NT5DC3: variants seen among roughly 807,000 people sequenced by gnomAD.
NT5DC3 encodes the protein 5'-nucleotidase domain-containing protein 3.
Under a neutral mutation model 67.8 loss-of-function variants are expected in NT5DC3, and 42 were observed. That is an observed-to-expected ratio of 0.62 (90% CI 0.48 to 0.80). The LOEUF is 0.80. Among genes scored for constraint, NT5DC3 ranks in the 30% least tolerant of loss-of-function variants. The pLI is 0.00. For missense variants in NT5DC3, 570 were observed against 696.4 expected (o/e 0.82, Z 2.04); for synonymous variants, 237 against 255.6 (o/e 0.93, Z 0.69).
chr12:103,805,845 C>CA (rs34163004), intron 4 of NT5DC3, among the ~76,000 whole-genome samples: 589 of 48,616 alleles, frequency 0.012, 7 homozygotes, highest in African/African-American at 0.019. Flanking sequence ...GACTCCACCT[C>CA]AAAAAAAAAA....
intron 1 of NT5DC3, chr12:103,822,136 T>C (rs1232251013): frequency 6.6e-6 from 1 of 151,580 alleles, no homozygotes; most frequent in African/African-American, 2.4e-5. Flanking sequence ...AAAACAAGAA[T>C]ATATACCATT....
chr12:103,763,497 A>G, the NT5DC3 span: 11 of 1,613,918 alleles, frequency 6.8e-6, no homozygotes, highest in Non-Finnish European at 9.3e-6. Flanking sequence ...AACAGTCGGA[A>G]GAGGACATTA....
At chr12:103,818,821 T>C (rs7295408) in intron 1 of NT5DC3, among the ~76,000 whole-genome samples, 23,134 of 152,218 alleles carry the variant, frequency 0.15, 2,117 homozygotes, top group East Asian at 0.47. Flanking sequence ...TATCTAATAC[T>C]GAAGATCCTC....
At chr12:103,814,352 C>A (rs1593422179) in intron 2 of NT5DC3, among the ~76,000 whole-genome samples, 1 of 152,230 alleles carries the variant, frequency 6.6e-6, no homozygotes, top group East Asian at 1.9e-4. Flanking sequence ...CTGAGCTGTA[C>A]TTCCCGGGAG....
the NT5DC3 span, chr12:103,762,406 A>G: frequency 6.2e-7 from 1 of 1,614,072 alleles, no homozygotes; most frequent in Non-Finnish European, 8.5e-7. Flanking sequence ...TTTTGAGGTA[A>G]GAGAGAAAAA....
chr12:103,800,156 T>G (rs1566111245), intron 4 of NT5DC3, among the ~76,000 whole-genome samples: 1 of 152,264 alleles, frequency 6.6e-6, no homozygotes, highest in African/African-American at 2.4e-5. Context: ...TGTTTTGATA[T>G]GTAACGTTAA....
At chr12:103,748,744 G>A in the NT5DC3 span, among the ~76,000 whole-genome samples, 34 of 152,084 alleles carry the variant, frequency 2.2e-4, no homozygotes, top group African/African-American at 5.8e-4. Context: ...GGGCAGAAGC[G>A]GACAGATGTC....
Position 103,827,796 on chromosome 12 carries a change from T to A in NT5DC3, c.209-12675A>T, listed in dbSNP as rs955440242. Among the ~76,000 whole-genome samples the A allele has an allele frequency of 9.2e-5, 14 of 152,348 alleles. 1 individual carries two copies. The highest frequency in any genetic ancestry group is 2.0e-4 in the Admixed American group (3 of 15,302). On this transcript the variant is annotated intron_variant, in intron 1 of 13. Coordinates refer to ENST00000392876, the MANE Select transcript of NT5DC3 (RefSeq NM_001031701.3). Reference sequence around the variant, plus strand: ...CTAGATATAACATGTAGTATTTGACTTTTAAAAAATAATAGAATTCTATCA... The same window carrying A: ...CTAGATATAACATGTAGTATTTGACATTTAAAAAATAATAGAATTCTATCA...
chr12:103,768,536 A>AGG (rs1593370689), downstream of NT5DC3, among the ~76,000 whole-genome samples: 1 of 11,306 alleles, frequency 8.8e-5, no homozygotes, highest in Non-Finnish European at 1.6e-4. Flanking sequence ...AGAGAGAGGG[A>AGG]GAGGGGGAGA....
At chr12:103,811,395 G>A (rs1466498469) in intron 2 of NT5DC3, among the ~76,000 whole-genome samples, 1 of 152,124 alleles carries the variant, frequency 6.6e-6, no homozygotes, top group East Asian at 1.9e-4. Flanking sequence ...GGGAGGAGAG[G>A]AGACGGCTGG....
chr12:103,767,377 T>TAGAG (rs1395404505), downstream of NT5DC3, among the ~76,000 whole-genome samples: 2 of 152,158 alleles, frequency 1.3e-5, no homozygotes, highest in African/African-American at 4.8e-5. Context: ...TGATGATTGA[T>TAGAG]AGAGACAGAA....
chr12:103,808,825 G>A (rs1886910231), intron 2 of NT5DC3, among the ~76,000 whole-genome samples: 1 of 152,242 alleles, frequency 6.6e-6, no homozygotes, highest in African/African-American at 2.4e-5. Flanking sequence ...GATAATAAGA[G>A]GGCAGACAGA....
intron 1 of NT5DC3, among the ~76,000 whole-genome samples, chr12:103,835,989 C>T (rs1480470806): frequency 6.6e-6 from 1 of 152,082 alleles, no homozygotes. Flanking sequence ...GCAGCAAAAG[C>T]GGAAACCCCT....
chr12:103,826,657 A>G (rs1887709016), intron 1 of NT5DC3, among the ~76,000 whole-genome samples: 2 of 152,366 alleles, frequency 1.3e-5, no homozygotes, highest in Middle Eastern at 3.4e-3. Context: ...CTATGAAGAC[A>G]ATATATTGTA....
chr12:103,791,353 C>T (rs561764029), intron 9 of NT5DC3, among the ~76,000 whole-genome samples: 1 of 152,194 alleles, frequency 6.6e-6, no homozygotes, highest in Non-Finnish European at 1.5e-5. Flanking sequence ...GTGAGGGCAT[C>T]ATATCAGCTA....
downstream of NT5DC3, among the ~76,000 whole-genome samples, chr12:103,770,101 A>G (rs993466569): frequency 6.6e-6 from 1 of 152,350 alleles, no homozygotes; most frequent in Middle Eastern, 3.4e-3. Context: ...CATAGAAAAC[A>G]TGGCCTATCC....
chr12:103,832,569 C>A (rs1194334263), intron 1 of NT5DC3, among the ~76,000 whole-genome samples: 1 of 151,920 alleles, frequency 6.6e-6, no homozygotes, highest in Admixed American at 6.6e-5. Flanking sequence ...GAATTTACAC[C>A]CTAATGAAAG....
intron 5 of NT5DC3, 83 bp from the exon 6 acceptor site, chr12:103,797,114 G>C: frequency 6.8e-7 from 1 of 1,465,840 alleles, no homozygotes; most frequent in Non-Finnish European, 9.4e-7. Context: ...ACAGCAGGAA[G>C]CCTTTTCCGT....
Position 103,793,217 on chromosome 12 carries a change from G to C in NT5DC3, c.966C>G (p.Phe322Leu). Residue 322 changes from phenylalanine (F) to leucine (L), a missense_variant, in exon 9 of 14, where the codon TTC becomes TTG. Physicochemically the swap from Phe to Leu is conservative, Grantham distance 22 (BLOSUM62 0). This residue lies in a region of NT5DC3 where 466 missense variants were observed against 608.0 expected (regional missense o/e 0.77). Coordinates refer to ENST00000392876, the MANE Select transcript of NT5DC3 (RefSeq NM_001031701.3). ...TCTCAGCCTGAACAATGACCACATCGAACAGGTCCCTCCAGTCTTTCCCAA... is the reference window on the plus strand; with the variant it reads ...TCTCAGCCTGAACAATGACCACATCCAACAGGTCCCTCCAGTCTTTCCCAA... The part of the protein sequence containing the change: ...YIVGKDWRDL[F>L]DVVIVQAEKP... 3 of 1,608,982 alleles carry C rather than the reference G, an allele frequency of 1.9e-6. No individual in the cohort carries two copies. The highest frequency in any genetic ancestry group is 2.5e-6 in the Non-Finnish European group (3 of 1,178,876).
Sources: gnomAD v4.1 joint callset for allele counts (sites outside exome capture counted in the v4.1 genomes callset) on GRCh38, gnomAD v4.1.1 for gene constraint, gnomAD v4.1.1 regional missense constraint, MANE v1.5 for transcripts, NCBI Gene and HGNC (gene_info 2026-07-23, HGNC 2026-07-21) for gene names.